CEP112: variants seen among roughly 807,000 people sequenced by gnomAD.
CEP112 encodes the protein centrosomal protein of 112 kDa.
In CEP112, 127 loss-of-function variants were observed where a neutral mutation model predicts 153.0. The observed-to-expected ratio is 0.83, with a 90% CI of 0.72 to 0.96. CEP112 has a LOEUF of 0.96. CEP112 is among the 40% of genes least tolerant of loss of function. The pLI, the probability that CEP112 is intolerant of heterozygous loss-of-function variation, is 0.00. For synonymous variants in CEP112, 358 were observed against 374.4 expected (o/e 0.96, Z 0.51); for missense variants, 1,089 against 1,101.2 (o/e 0.99, Z 0.16).
At chr17:65,898,632 T>C (rs939772356) in intron 20 of CEP112, among the ~76,000 whole-genome samples, 2 of 152,184 alleles carry the variant, frequency 1.3e-5, no homozygotes, top group African/African-American at 4.8e-5. Flanking sequence ...TGGGTGCCAA[T>C]GTTTTGCAAG....
intron 17 of CEP112, among the ~76,000 whole-genome samples, chr17:66,002,133 T>A (rs767724373): frequency 2.6e-5 from 4 of 152,224 alleles, no homozygotes; most frequent in Non-Finnish European, 5.9e-5. Flanking sequence ...ATCCTCCTTC[T>A]TAAATAATGA....
Position 66,132,883 on chromosome 17 carries a change from T to A in CEP112, c.471-120A>T, listed in dbSNP as rs2070256443. 4 of 737,734 alleles carry A rather than the reference T, an allele frequency of 5.4e-6. No homozygotes were observed. In the East Asian group the frequency reaches 8.1e-5, roughly 15 times the overall value. The allele number at this position is 737,734 out of a possible 1,614,324, so 45.7% of individuals were successfully genotyped here. On this transcript the variant is annotated intron_variant, in intron 4 of 26. Coordinates refer to ENST00000535342, the MANE Select transcript of CEP112 (RefSeq NM_001199165.4). ...AGATGATAGTTTGTATTAACAATGA[T>A]GTTCCATAGCCGGGCGTGGTGGCGA...
At chr17:66,138,385 C>G in intron 4 of CEP112, among the ~76,000 whole-genome samples, 1 of 152,094 alleles carries the variant, frequency 6.6e-6, no homozygotes. Context: ...TTTCCAGAGA[C>G]AGGAACTCAA....
intron 8 of CEP112, among the ~76,000 whole-genome samples, chr17:66,087,969 C>T (rs866600083): frequency 9.2e-5 from 14 of 152,022 alleles, no homozygotes; most frequent in African/African-American, 3.1e-4. Flanking sequence ...GCAAATCCAC[C>T]CTGGTACAAG....
intron 8 of CEP112, among the ~76,000 whole-genome samples, chr17:66,093,600 C>T (rs920071973): frequency 5.4e-5 from 8 of 148,862 alleles, no homozygotes; most frequent in Non-Finnish European, 7.4e-5. Flanking sequence ...AAAAAAACCA[C>T]TTAGAAATAA....
At chr17:66,136,970 G>C (rs552264069) in intron 4 of CEP112, among the ~76,000 whole-genome samples, 2 of 151,966 alleles carry the variant, frequency 1.3e-5, no homozygotes, top group African/African-American at 4.8e-5. Flanking sequence ...TAACACAAAG[G>C]GTCAAGGAAA....
chr17:65,764,649 A>G (rs527462817), intron 21 of CEP112, among the ~76,000 whole-genome samples: 5 of 151,622 alleles, frequency 3.3e-5, no homozygotes, highest in African/African-American at 1.2e-4. Context: ...CTTTCAGCCT[A>G]TGTATATCCT....
At chr17:65,938,289 G>A (rs148585847) in intron 18 of CEP112, among the ~76,000 whole-genome samples, 10 of 140,672 alleles carry the variant, frequency 7.1e-5, no homozygotes, top group African/African-American at 1.6e-4. Flanking sequence ...GCGAAAGCCC[G>A]CAGGGTCCTC....
At chr17:65,690,606 G>C (rs2048061597) in intron 23 of CEP112, among the ~76,000 whole-genome samples, 1 of 152,020 alleles carries the variant, frequency 6.6e-6, no homozygotes, top group Admixed American at 6.6e-5. Flanking sequence ...ATTTTAAATA[G>C]ATGGTCCAAG....
At chr17:65,643,681 C>T (rs758399129) in intron 24 of CEP112, among the ~76,000 whole-genome samples, 4 of 152,158 alleles carry the variant, frequency 2.6e-5, no homozygotes, top group African/African-American at 4.8e-5. Flanking sequence ...AGCTCATTGC[C>T]ATCCAGAAAC....
chr17:65,762,079 T>C (rs2052648922), intron 21 of CEP112, among the ~76,000 whole-genome samples: 1 of 152,122 alleles, frequency 6.6e-6, no homozygotes, highest in South Asian at 2.1e-4. Flanking sequence ...TGTTCGTTTT[T>C]GGTTTTTTTG....
intron 20 of CEP112, among the ~76,000 whole-genome samples, chr17:65,877,767 A>G (rs1459325224): frequency 6.6e-6 from 1 of 152,224 alleles, no homozygotes; most frequent in Non-Finnish European, 1.5e-5. Context: ...CCTTCATTCC[A>G]GTCGATTTCT....
intron 21 of CEP112, among the ~76,000 whole-genome samples, chr17:65,771,441 A>G (rs940634136): frequency 6.6e-6 from 1 of 152,206 alleles, no homozygotes; most frequent in African/African-American, 2.4e-5. Flanking sequence ...ACAAATGACA[A>G]CTGAAGATAA....
At chr17:65,970,115 A>G (rs925993284) in intron 17 of CEP112, among the ~76,000 whole-genome samples, 1 of 152,234 alleles carries the variant, frequency 6.6e-6, no homozygotes, top group African/African-American at 2.4e-5. Flanking sequence ...TAGCACATGC[A>G]TATCGCATGT....
chr17:66,107,371 T>C (rs1390200868), intron 6 of CEP112, among the ~76,000 whole-genome samples: 3 of 152,136 alleles, frequency 2.0e-5, no homozygotes, highest in Non-Finnish European at 4.4e-5. Flanking sequence ...CTGCAGATTA[T>C]ATAATCTTAT....
chr17:65,814,467 C>T (rs930776300), intron 21 of CEP112, among the ~76,000 whole-genome samples: 2 of 152,044 alleles, frequency 1.3e-5, no homozygotes, highest in African/African-American at 4.8e-5. Flanking sequence ...ATTTAAGCAT[C>T]CAAAAAGAAT....
chr17:65,813,459 C>A (rs1422519548), intron 21 of CEP112, among the ~76,000 whole-genome samples: 1 of 152,206 alleles, frequency 6.6e-6, no homozygotes, highest in Non-Finnish European at 1.5e-5. Flanking sequence ...GGAGCTGCTT[C>A]TATCTTTTGC....
intron 23 of CEP112, among the ~76,000 whole-genome samples, chr17:65,720,813 A>G (rs1332017813): frequency 6.6e-6 from 1 of 152,328 alleles, no homozygotes; most frequent in East Asian, 1.9e-4. Flanking sequence ...TTCAAACATT[A>G]GTTCACTCGA....
chr17:65,645,265 T>G (rs1210711185), intron 24 of CEP112, among the ~76,000 whole-genome samples: 1 of 152,094 alleles, frequency 6.6e-6, no homozygotes, highest in African/African-American at 2.4e-5. Context: ...GACAGGGTCT[T>G]GCTATGTTGC....
Sources: gnomAD v4.1 joint callset for allele counts (sites outside exome capture counted in the v4.1 genomes callset) on GRCh38, gnomAD v4.1.1 for gene constraint, MANE v1.5 for transcripts, NCBI Gene and HGNC (gene_info 2026-07-23, HGNC 2026-07-21) for gene names.